The following PRPF19 variants were observed in gnomAD, a reference collection of about 807,000 sequenced individuals.
PRPF19 encodes pre-mRNA-processing factor 19.
PRPF19 carries 2 observed loss-of-function variants against 64.2 expected under a neutral mutation model. That is an observed-to-expected ratio of 0.03 (90% confidence interval 0.01 to 0.10). The LOEUF (loss-of-function observed/expected upper bound fraction) is 0.10. Among genes scored for constraint, PRPF19 ranks in the 10% least tolerant of loss-of-function variants. The pLI, the probability that PRPF19 is intolerant of heterozygous loss-of-function variation, is 1.00. For synonymous variants in PRPF19, 226 were observed against 251.6 expected, an observed-to-expected ratio of 0.90 and a Z score of 0.96; for missense variants, 314 against 650.0, an observed-to-expected ratio of 0.48 and a Z score of 5.62.
rs1010835687 is a variant in PRPF19, at chr11:60,906,237, G to T, written c.19+127C>A. On this transcript the variant is annotated intron_variant, in intron 1 of 15. Coordinates refer to ENST00000227524, the MANE Select transcript of PRPF19 (RefSeq NM_014502.5). Reference sequence around the variant, plus strand: ...GGGGGGGCTCCGGTGCTGACAGGCCGCCGCTCGGCCTCCGGAGCGCCCCAT... The same window carrying T: ...GGGGGGGCTCCGGTGCTGACAGGCCTCCGCTCGGCCTCCGGAGCGCCCCAT... 11 of 1,388,554 alleles carry T rather than the reference G, an allele frequency of 7.9e-6. No individual in the cohort carries two copies. The African/African-American group carries it at 1.5e-4, about 19-fold the overall frequency. 86.0% of individuals were successfully genotyped at this position (1,388,554 alleles called of 1,614,324 possible).
At chr11:60,892,587 A>T (rs1274234611) in intron 15 of PRPF19, among the ~76,000 whole-genome samples, 2 of 152,218 alleles carry the variant, frequency 1.3e-5, no homozygotes, top group Admixed American at 6.5e-5. Context: ...CACTGAGTCT[A>T]TAGTTACCAT....
In PRPF19 at chr11:60,891,151, C is replaced by A. The variant is rs754825717; in HGVS notation, c.*15G>T. 2 of 1,263,278 alleles carry A rather than the reference C, an allele frequency of 1.6e-6. No individual in the cohort carries two copies. Among genetic ancestry groups the A allele is most frequent in the South Asian group, 2.4e-5 (2 of 85,100 alleles). The allele number at this position is 1,263,278 out of a possible 1,614,324, so 78.3% of individuals were successfully genotyped here. A position where few individuals can be genotyped will look rare whatever the true frequency, so the allele number is the denominator to read the frequency against. ...TACTGAGATGAGGCCCAGCTTCCAT[C>A]AGAAGGGCCAGGGCCTACAGGCTGT... is the stretch of plus-strand genomic sequence containing the variant. On this transcript the variant is annotated 3_prime_UTR_variant, in exon 16 of 16. Coordinates refer to ENST00000227524, the MANE Select transcript of PRPF19 (RefSeq NM_014502.5).
intron 15 of PRPF19, among the ~76,000 whole-genome samples, chr11:60,891,685 G>A (rs1365069154): frequency 6.6e-6 from 1 of 152,200 alleles, no homozygotes; most frequent in African/African-American, 2.4e-5. Flanking sequence ...CAGATAAGAG[G>A]CAGATGAGGC....
Position 60,902,570 on chromosome 11 carries a change from G to C in PRPF19, c.462+13C>G, listed in dbSNP as rs774076278. On this transcript the variant is annotated intron_variant, in intron 5 of 15. Transcript: ENST00000227524. This position sits in a 1 kb window ranked among gnomAD's most constrained non-coding sequence, Gnocchi z 5.0. ...CACAAATGGGCTGCTGGTAAGGGAA[G>C]GGGGACACTTACCACAACACTTGGT... is the stretch of plus-strand genomic sequence containing the variant. 38 of 1,611,270 alleles carry C rather than the reference G, an allele frequency of 2.4e-5. No homozygotes were observed. The highest frequency in any genetic ancestry group is 3.0e-5 in the Non-Finnish European group (35 of 1,177,460).
chr11:60,906,311 C>T (rs1290215548), intron 1 of PRPF19, 53 bp downstream of exon 1: 1 of 1,568,488 alleles, frequency 6.4e-7, no homozygotes, highest in South Asian at 1.2e-5. Flanking sequence ...CACACGCTCC[C>T]GCGCCGCTCT....
rs1855848079 is a variant in PRPF19, at chr11:60,890,830, C to T, written c.*336G>A. 1 of 490,358 alleles carries T rather than the reference C, an allele frequency of 2.0e-6. No homozygotes were observed. The allele number at this position is 490,358 out of a possible 1,614,324, so 30.4% of individuals were successfully genotyped here. ...CACAGTTCCCTTGGCTCAGCCTCTCCTGTCTCACAGGAACTGCAACAAAAT... is the reference window on the plus strand; with the variant it reads ...CACAGTTCCCTTGGCTCAGCCTCTCTTGTCTCACAGGAACTGCAACAAAAT... On this transcript the variant is annotated 3_prime_UTR_variant, in exon 16 of 16. Transcript: ENST00000227524.
Position 60,901,568 on chromosome 11 carries a change from C to T in PRPF19, c.526-28G>A, listed in dbSNP as rs1454768673. ...GGGGAAGAACAGGCTCAATGTGAGA[C>T]AAATCATCTTGCAAGGAGAAAAGTA... On this transcript the variant is annotated intron_variant, in intron 6 of 15. Transcript: ENST00000227524. The T allele has an allele frequency of 7.4e-6, 12 of 1,613,200 alleles. No individual in the cohort carries two copies. In the East Asian group the frequency reaches 1.1e-4, roughly 15 times the overall value.
At chr11:60,905,455 G>C (rs773333084) in intron 1 of PRPF19, 4 of 152,250 alleles carry the variant, frequency 2.6e-5, no homozygotes, top group Non-Finnish European at 1.5e-5. Flanking sequence ...TACAGGTTCT[G>C]AGAAGAGAAG....
Position 60,903,350 on chromosome 11 carries a change from A to G in PRPF19, c.246+109T>C, listed in dbSNP as rs977798134. On this transcript the variant is annotated intron_variant, in intron 3 of 15. Transcript: ENST00000227524. ...AAGAATAAAACAAATCCCTGATGTC[A>G]CAAAGTTTACCCTCTAAATAATGCT... is the stretch of plus-strand genomic sequence containing the variant. The G allele has an allele frequency of 5.8e-6, 7 of 1,201,930 alleles. No individual in the cohort carries two copies. The African/African-American group carries it at 1.1e-4, about 18-fold the overall frequency. The allele number at this position is 1,201,930 out of a possible 1,614,324, so 74.5% of individuals were successfully genotyped here.
Position 60,898,666 on chromosome 11 carries a change from C to A in PRPF19, c.1055-40G>T, listed in dbSNP as rs1855947432. 6.2e-7 allele frequency: 1 copy of A among 1,613,308 alleles called. No homozygotes were observed. The highest frequency in any genetic ancestry group is 1.1e-5 in the South Asian group (1 of 90,908). The stretch of plus-strand genomic sequence containing the variant: ...AGAGAGACCTGTGGTCAGAGCCCAC[C>A]AGGGAGAGAGACTAAGAGCAGCAAA... On this transcript the variant is annotated intron_variant, in intron 12 of 15. Coordinates refer to ENST00000227524, the MANE Select transcript of PRPF19 (RefSeq NM_014502.5). This position sits in a 1 kb window ranked among gnomAD's most constrained non-coding sequence, Gnocchi z 4.6.
Position 60,902,673 on chromosome 11 carries a change from T to C in PRPF19, c.389-17A>G. 8 of 1,614,004 alleles carry C rather than the reference T, an allele frequency of 5.0e-6. No homozygotes were observed. In the South Asian group the frequency reaches 6.6e-5, roughly 13 times the overall value. On this transcript the variant is annotated splice_polypyrimidine_tract_variant and intron_variant, in intron 4 of 15. Transcript: ENST00000227524. This position sits in a 1 kb window ranked among gnomAD's most constrained non-coding sequence, Gnocchi z 5.0. ...TAGCCAGAGCTGAGAGAAAAGACGATGTTAGAAATGGGATATTACAATGCA... is the reference window on the plus strand; with the variant it reads ...TAGCCAGAGCTGAGAGAAAAGACGACGTTAGAAATGGGATATTACAATGCA...
At chr11:60,893,851 G>C (rs747528057) in intron 15 of PRPF19, among the ~76,000 whole-genome samples, 1 of 152,068 alleles carries the variant, frequency 6.6e-6, no homozygotes, top group Non-Finnish European at 1.5e-5. Flanking sequence ...CCTGGGAGGT[G>C]GAGGTTGCAT....
In PRPF19 at chr11:60,898,852, G is replaced by T. The variant is rs368906637; in HGVS notation, c.1054+10C>A. The stretch of plus-strand genomic sequence containing the variant: ...AAACAAAAAAGCTGAGTGCCTATGA[G>T]GCAACTTACAGCAGCCGGAGGTCTC... On this transcript the variant is annotated intron_variant, in intron 12 of 15. Coordinates refer to ENST00000227524, the MANE Select transcript of PRPF19 (RefSeq NM_014502.5). This position sits in a 1 kb window ranked among gnomAD's most constrained non-coding sequence, Gnocchi z 4.6. 2.3e-5 allele frequency: 36 copies of T among 1,592,220 alleles called. No homozygotes were observed. The African/African-American group carries it at 3.6e-4, about 16-fold the overall frequency.
At position 60,902,585 on chromosome 11, in the gene PRPF19, C is replaced by G. The variant is rs1431482205; in HGVS notation, c.460G>C (p.Val154Leu). Reference protein sequence around the residue: ...QAVPSSQPSVVGAGEPMDLGE... With the variant: ...QAVPSSQPSVLGAGEPMDLGE... The stretch of plus-strand genomic sequence containing the variant: ...GGTAAGGGAAGGGGGACACTTACCA[C>G]AACACTTGGTTGGGAACTTGGCACA... Residue 154 changes from valine (V) to leucine (L), a missense_variant and splice_region_variant, in exon 5 of 16, where the codon GTG (valine) becomes CTG (leucine). Val to Leu is a conservative substitution (Grantham distance 32). This residue lies in a region of PRPF19 where 175 missense variants were observed against 342.9 expected (regional missense o/e 0.51). Transcript: ENST00000227524. The surrounding 1 kb of genome is among the most constrained non-coding windows in gnomAD (Gnocchi z 5.0). 1 of 1,613,418 alleles carries G rather than the reference C, an allele frequency of 6.2e-7. No homozygotes were observed. The highest frequency in any genetic ancestry group is 1.3e-5 in the African/African-American group (1 of 74,908).
rs1331762497 is a variant in PRPF19 at position 60,902,623 on chromosome 11, A to G, written c.422T>C (p.Ile141Thr). Reference sequence around the variant, plus strand: ...GGAACTTGGCACAGCCTGGGGCACAATGAGGCCAGCCTGTGGTTTCAGGGT... The same window carrying G: ...GGAACTTGGCACAGCCTGGGGCACAGTGAGGCCAGCCTGTGGTTTCAGGGT... ...LATLKPQAGL[I>T]VPQAVPSSQP... Residue 141 changes from isoleucine to threonine, a missense_variant, in exon 5 of 16, where the codon ATT (isoleucine) becomes ACT (threonine). Ile to Thr is a moderately conservative substitution (Grantham distance 89). Transcript: ENST00000227524. The surrounding 1 kb of genome is among the most constrained non-coding windows in gnomAD (Gnocchi z 5.0). 1.2e-6 allele frequency: 2 copies of G among 1,614,210 alleles called. No homozygotes were observed. The highest frequency in any genetic ancestry group is 1.7e-6 in the Non-Finnish European group (2 of 1,180,012).
chr11:60,903,141 G>C lies in PRPF19; in HGVS notation c.247-260C>G, dbSNP rs148712568. On this transcript the variant is annotated intron_variant, in intron 3 of 15. Transcript: ENST00000227524. ...TTCCCTAACTTACTGGCAAATCCCA[G>C]CTGTCATGCCGTCCCCTCTCTAAAA... Among the ~76,000 whole-genome samples, 151 of 152,256 alleles carry C rather than the reference G, an allele frequency of 9.9e-4. 1 individual carries two copies. The highest frequency in any genetic ancestry group is 3.4e-3 in the African/African-American group (142 of 41,532).
intron 15 of PRPF19, 98 bp downstream of exon 15, chr11:60,897,748 G>A (rs1315556302): frequency 2.9e-6 from 3 of 1,023,540 alleles, no homozygotes; most frequent in Non-Finnish European, 3.0e-6. Context: ...AGCTGCTTAG[G>A]TAAATTCATG....
Position 60,890,906 on chromosome 11 carries a change from C to T in PRPF19, c.*260G>A, listed in dbSNP as rs1855849377. Reference sequence around the variant, plus strand: ...CCATTGAACGACAGGAAGGGAGAGGCCCTGGGCTCCGACCCTGGGCCTTAA... The same window carrying T: ...CCATTGAACGACAGGAAGGGAGAGGTCCTGGGCTCCGACCCTGGGCCTTAA... On this transcript the variant is annotated 3_prime_UTR_variant, in exon 16 of 16. Coordinates refer to ENST00000227524, the MANE Select transcript of PRPF19 (RefSeq NM_014502.5). 3.4e-6 allele frequency: 2 copies of T among 581,808 alleles called. No homozygotes were observed. The highest frequency in any genetic ancestry group is 2.2e-5 in the Admixed American group (1 of 45,650). The allele number at this position is 581,808 out of a possible 1,614,324, so 36.0% of individuals were successfully genotyped here. A position where few individuals can be genotyped will look rare whatever the true frequency, so the allele number is the denominator to read the frequency against.
chr11:60,900,765 T>C lies in PRPF19; in HGVS notation c.719-74A>G, dbSNP rs145883057. ...CCTTTTGCTCAAGGAAATGCTTTTG[T>C]TCCCATGCCCATGAAGAGGACAAGG... On this transcript the variant is annotated intron_variant, in intron 9 of 15. Transcript: ENST00000227524. The C allele has an allele frequency of 1.0e-3, 1,651 of 1,587,168 alleles. 15 individuals carry two copies. The African/African-American group carries it at 0.02, about 19-fold the overall frequency.
Sources: allele counts gnomAD v4.1 joint callset (sites outside exome capture counted in the v4.1 genomes callset), GRCh38; gene constraint gnomAD v4.1.1; regional missense constraint gnomAD v4.1.1; non-coding constraint Gnocchi (gnomAD v3.1); transcripts MANE v1.5; gene names NCBI Gene and HGNC (gene_info 2026-07-23, HGNC 2026-07-21).